TTC28: variants seen among roughly 807,000 people sequenced by gnomAD.
TTC28 encodes the protein tetratricopeptide repeat domain 28.
Under a neutral mutation model 198.0 loss-of-function variants are expected in TTC28, and 61 were observed. That is an observed-to-expected ratio of 0.31 (90% confidence interval 0.25 to 0.38). TTC28 has a LOEUF of 0.38. TTC28 is among the 10% of genes least tolerant of loss of function. TTC28 has a pLI of 1.00. For synonymous variants in TTC28, 1,171 were observed against 1,297.8 expected (o/e 0.90, Z 2.10); for missense variants, 2,678 against 3,164.0 (o/e 0.85, Z 3.69).
chr22:28,638,535 T>A (rs989405599), intron 1 of TTC28, among the ~76,000 whole-genome samples: 1 of 151,930 alleles, frequency 6.6e-6, no homozygotes, highest in Non-Finnish European at 1.5e-5. Context: ...GTTAAAAAAA[T>A]GCAACACATG....
chr22:28,062,563 G>A (rs1237710616), intron 12 of TTC28, among the ~76,000 whole-genome samples: 2 of 151,626 alleles, frequency 1.3e-5, no homozygotes, highest in African/African-American at 4.8e-5. Context: ...TTGAACTCCT[G>A]GGCTCACGTG....
At chr22:28,090,477 T>C (rs1941780743) in intron 12 of TTC28, among the ~76,000 whole-genome samples, 1 of 152,178 alleles carries the variant, frequency 6.6e-6, no homozygotes, top group Non-Finnish European at 1.5e-5. Flanking sequence ...TTGTTGTATA[T>C]TTAGGTTGTT....
chr22:27,997,014 G>T (rs1423153958), intron 16 of TTC28, among the ~76,000 whole-genome samples: 1 of 152,218 alleles, frequency 6.6e-6, no homozygotes, highest in Non-Finnish European at 1.5e-5. Context: ...GACAGGAAAG[G>T]GGCCAGGTCC....
chr22:28,458,658 G>A (rs1246011629), intron 2 of TTC28, among the ~76,000 whole-genome samples: 1 of 152,058 alleles, frequency 6.6e-6, no homozygotes, highest in Non-Finnish European at 1.5e-5. Flanking sequence ...GAGGTGGGTG[G>A]ATCACGAGGT....
intron 2 of TTC28, among the ~76,000 whole-genome samples, chr22:28,610,279 A>T (rs1388875809): frequency 1.6e-4 from 25 of 152,136 alleles, no homozygotes; most frequent in Non-Finnish European, 2.4e-4. Context: ...CCTGACTCCC[A>T]TGTGTCCTGA....
chr22:28,479,411 CAACT>C (rs2048214375), intron 2 of TTC28, among the ~76,000 whole-genome samples: 1 of 152,210 alleles, frequency 6.6e-6, no homozygotes, highest in Non-Finnish European at 1.5e-5. Context: ...TATATCCTCA[CAACT>C]AACTCTCAAA....
chr22:28,549,973 A>C (rs1271708267), intron 2 of TTC28, among the ~76,000 whole-genome samples: 1 of 152,188 alleles, frequency 6.6e-6, no homozygotes, highest in Non-Finnish European at 1.5e-5. Flanking sequence ...ATCAAATAAG[A>C]TCTGTACTTT....
chr22:28,586,151 C>T (rs1292348167), intron 2 of TTC28, among the ~76,000 whole-genome samples: 1 of 151,508 alleles, frequency 6.6e-6, no homozygotes, highest in African/African-American at 2.4e-5. Flanking sequence ...TGGTGGTGGG[C>T]GCCTGTAGTC....
chr22:28,179,712 T>C (rs924937934), intron 5 of TTC28, among the ~76,000 whole-genome samples: 2 of 152,214 alleles, frequency 1.3e-5, no homozygotes, highest in African/African-American at 2.4e-5. Context: ...CCCTGGCTGA[T>C]CTGTAATGAA....
intron 1 of TTC28, among the ~76,000 whole-genome samples, chr22:28,649,632 TAC>T (rs2051534635): frequency 2.6e-5 from 4 of 152,344 alleles, no homozygotes; most frequent in South Asian, 4.1e-4. Flanking sequence ...TTTGTATCTC[TAC>T]AGTGTTCTCT....
At chr22:28,417,310 A>AG (rs1281618229) in intron 2 of TTC28, among the ~76,000 whole-genome samples, 1 of 149,886 alleles carries the variant, frequency 6.7e-6, no homozygotes, top group Non-Finnish European at 1.5e-5. Context: ...TAAAAAAAAA[A>AG]AAAAAAAAAA....
chr22:28,639,672 A>G (rs1262409467), intron 1 of TTC28, among the ~76,000 whole-genome samples: 3 of 152,168 alleles, frequency 2.0e-5, no homozygotes, highest in Non-Finnish European at 4.4e-5. Flanking sequence ...GCTGTCATCC[A>G]TGTAAGATGT....
At chr22:28,478,930 A>AAT (rs2048205019) in intron 2 of TTC28, among the ~76,000 whole-genome samples, 2 of 152,200 alleles carry the variant, frequency 1.3e-5, no homozygotes, top group Non-Finnish European at 2.9e-5. Flanking sequence ...AGCACTATCT[A>AAT]AAATCACCTT....
chr22:28,000,757 T>G (rs1310129282), intron 15 of TTC28: 1 of 152,476 alleles, frequency 6.6e-6, no homozygotes, highest in African/African-American at 2.4e-5. Flanking sequence ...CAAGGGTGGC[T>G]GTGGGGTGAG....
chr22:28,245,374 C>T (rs1364211791), intron 5 of TTC28, among the ~76,000 whole-genome samples: 1 of 152,102 alleles, frequency 6.6e-6, no homozygotes, highest in Non-Finnish European at 1.5e-5. Context: ...TATTTACCAG[C>T]ACATGGTAAT....
At chr22:28,236,327 A>C (rs1929244731) in intron 5 of TTC28, among the ~76,000 whole-genome samples, 1 of 152,210 alleles carries the variant, frequency 6.6e-6, no homozygotes, top group African/African-American at 2.4e-5. Context: ...TCCTGTATTA[A>C]ATTCCTTATC....
At chr22:28,128,480 C>G (rs1306981080) in intron 6 of TTC28, among the ~76,000 whole-genome samples, 1 of 152,158 alleles carries the variant, frequency 6.6e-6, no homozygotes, top group East Asian at 1.9e-4. Context: ...AAGTAAAGCA[C>G]ACAGCCAATT....
intron 6 of TTC28, among the ~76,000 whole-genome samples, chr22:28,124,661 G>A (rs1942873016): frequency 2.0e-5 from 3 of 152,094 alleles, no homozygotes; most frequent in Admixed American, 1.3e-4. Flanking sequence ...ATGACATCTG[G>A]GCAATAAACC....
At chr22:28,208,555 C>T (rs747130751) in intron 5 of TTC28, among the ~76,000 whole-genome samples, 16 of 152,068 alleles carry the variant, frequency 1.1e-4, no homozygotes, top group Admixed American at 2.6e-4. Flanking sequence ...ATAAAAATGG[C>T]CTAACATTCA....
Sources: allele counts gnomAD v4.1 joint callset (sites outside exome capture counted in the v4.1 genomes callset), GRCh38; gene constraint gnomAD v4.1.1; transcripts MANE v1.5; gene names NCBI Gene and HGNC (gene_info 2026-07-23, HGNC 2026-07-21).